Variants in CIB4 observed in about 807,000 individuals in gnomAD.
CIB4 encodes the protein calcium and integrin-binding family member 4.
In CIB4, 25 loss-of-function variants were observed where a neutral mutation model predicts 25.8. The observed-to-expected ratio is 0.97, with a 90% CI of 0.71 to 1.35. The LOEUF is 1.35. Among genes scored for constraint, CIB4 ranks in the 40% most tolerant of loss-of-function variants. The pLI, the probability that CIB4 is intolerant of heterozygous loss-of-function variation, is 0.00. For missense variants in CIB4, 235 were observed against 228.2 expected, an observed-to-expected ratio of 1.03 and a Z score of -0.19; for synonymous variants, 75 against 81.4, an observed-to-expected ratio of 0.92 and a Z score of 0.42.
chr2:26,598,632 G>A (rs1286561458), intron 3 of CIB4, among the ~76,000 whole-genome samples: 2 of 152,218 alleles, frequency 1.3e-5, no homozygotes, highest in African/African-American at 4.8e-5. Context: ...GGACCCAGGA[G>A]TGGCTAGTAT....
At chr2:26,632,771 AAG>A (rs1480870663) in intron 2 of CIB4, among the ~76,000 whole-genome samples, 1,881 of 150,916 alleles carry the variant, frequency 0.012, 47 homozygotes, top group African/African-American at 0.043. Context: ...AAAAAAAAAA[AAG>A]AAAAAGAAAG....
chr2:26,583,964 A>G lies in CIB4; in HGVS notation c.329-66T>C, dbSNP rs948093799. The G allele has an allele frequency of 3.9e-6, 4 of 1,037,256 alleles. No homozygotes were observed. In the East Asian group the frequency reaches 7.2e-5, roughly 19 times the overall value. The allele number at this position is 1,037,256 out of a possible 1,614,324, so 64.3% of individuals were successfully genotyped here. Reference sequence around the variant, plus strand: ...GGCTAAACAGGAAGAGGACTTGAGGAGTCCTGGGGGACACAGCACCAGCCA... The same window carrying G: ...GGCTAAACAGGAAGAGGACTTGAGGGGTCCTGGGGGACACAGCACCAGCCA... On this transcript the variant is annotated intron_variant, in intron 4 of 6. Coordinates refer to ENST00000288861, the MANE Select transcript of CIB4 (RefSeq NM_001029881.3).
At chr2:26,611,337 C>T (rs552100446) in intron 3 of CIB4, among the ~76,000 whole-genome samples, 1 of 152,326 alleles carries the variant, frequency 6.6e-6, no homozygotes, top group South Asian at 2.1e-4. Flanking sequence ...TGTATGATAA[C>T]ACAGGGTAGA....
intron 3 of CIB4, among the ~76,000 whole-genome samples, chr2:26,601,437 A>G (rs1668787536): frequency 6.6e-6 from 1 of 151,978 alleles, no homozygotes; most frequent in Non-Finnish European, 1.5e-5. Context: ...AGTCTTTTCC[A>G]TAAGTGATGT....
intron 4 of CIB4, among the ~76,000 whole-genome samples, chr2:26,588,816 G>A (rs1335103568): frequency 6.6e-6 from 1 of 152,276 alleles, no homozygotes; most frequent in Middle Eastern, 3.4e-3. Context: ...TTGCTGGGAT[G>A]GTGGTCTCTC....
At position 26,640,674 on chromosome 2, in the gene CIB4, C is replaced by T. The variant is rs950632516; in HGVS notation, c.55-107G>A. The stretch of plus-strand genomic sequence containing the variant: ...TGGGGAGGAAATGCCCATTCTTTTG[C>T]TGCACAGCTGGGGGAACCCCAGGTT... On this transcript the variant is annotated intron_variant, in intron 1 of 6. Coordinates refer to ENST00000288861, the MANE Select transcript of CIB4 (RefSeq NM_001029881.3). The T allele has an allele frequency of 8.1e-6, 10 of 1,228,676 alleles. No homozygotes were observed. The African/African-American group carries it at 1.4e-4, about 17-fold the overall frequency. The allele number at this position is 1,228,676 out of a possible 1,614,324, so 76.1% of individuals were successfully genotyped here. A position where few individuals can be genotyped will look rare whatever the true frequency, so the allele number is the denominator to read the frequency against.
chr2:26,591,470 G>T (rs918364789), intron 4 of CIB4, among the ~76,000 whole-genome samples: 3 of 152,178 alleles, frequency 2.0e-5, no homozygotes, highest in African/African-American at 7.2e-5. Flanking sequence ...GACTGCAGCT[G>T]CCTGGCTTCC....
intron 3 of CIB4, among the ~76,000 whole-genome samples, chr2:26,617,844 C>G (rs1169315024): frequency 2.0e-5 from 3 of 152,188 alleles, no homozygotes; most frequent in Admixed American, 6.5e-5. Context: ...GGAGGTCAGG[C>G]AGCTCCTCAT....
At chr2:26,609,529 G>A (rs1398935358) in intron 3 of CIB4, among the ~76,000 whole-genome samples, 1 of 152,128 alleles carries the variant, frequency 6.6e-6, no homozygotes, top group Admixed American at 6.5e-5. Context: ...AGGAGACGGA[G>A]GCAGAGGGAA....
chr2:26,592,469 G>A (rs1250810571), intron 4 of CIB4, among the ~76,000 whole-genome samples: 1 of 152,182 alleles, frequency 6.6e-6, no homozygotes, highest in African/African-American at 2.4e-5. Context: ...TACCCTGCTT[G>A]GAGTTCACTG....
At chr2:26,622,893 G>C (rs919218711) in intron 3 of CIB4, among the ~76,000 whole-genome samples, 1 of 152,144 alleles carries the variant, frequency 6.6e-6, no homozygotes, top group Non-Finnish European at 1.5e-5. Context: ...TGGGGCAGAA[G>C]AATTGCTTGA....
At chr2:26,630,660 C>T (rs1247118412) in intron 2 of CIB4, among the ~76,000 whole-genome samples, 3 of 152,110 alleles carry the variant, frequency 2.0e-5, no homozygotes, top group African/African-American at 7.2e-5. Context: ...TCTGAGGCGT[C>T]GAGCAAGGTT....
rs531575526 is a variant in CIB4 at position 26,615,874 on chromosome 2, G to T, written c.186+13536C>A. 2.6e-5 allele frequency among the ~76,000 whole-genome samples: 4 copies of T among 152,364 alleles called. No homozygotes were observed. In the East Asian group the frequency reaches 7.7e-4, roughly 29 times the overall value. On this transcript the variant is annotated intron_variant, in intron 3 of 6. Transcript: ENST00000288861. ...AAATAAGGATTTTTGCCAATTCTGA[G>T]CCCTGCTAACTGATGAAGTTGTCAG...
rs556456040 is a variant in CIB4, at chr2:26,613,898, T to A, written c.186+15512A>T. ...GGTGAATGTGTCCCCGCATCTCAGC[T>A]GTCCCAGCTGTGAAGAGCAGAGGCC... On this transcript the variant is annotated intron_variant, in intron 3 of 6. Coordinates refer to ENST00000288861, the MANE Select transcript of CIB4 (RefSeq NM_001029881.3). Among the ~76,000 whole-genome samples the A allele has an allele frequency of 4.6e-4, 70 of 152,354 alleles. No homozygotes were observed. In the South Asian group the frequency reaches 0.014, roughly 31 times the overall value.
chr2:26,589,216 T>C (rs1452603320), intron 4 of CIB4, among the ~76,000 whole-genome samples: 2 of 145,462 alleles, frequency 1.4e-5, no homozygotes, highest in African/African-American at 5.1e-5. Flanking sequence ...CCTCTTCTTC[T>C]TCCTCCTCCT....
At chr2:26,598,410 T>C (rs1027582821) in intron 3 of CIB4, among the ~76,000 whole-genome samples, 1 of 151,812 alleles carries the variant, frequency 6.6e-6, no homozygotes, top group Non-Finnish European at 1.5e-5. Context: ...TCTGTGACTA[T>C]GAAAGTGAGA....
chr2:26,617,624 T>C (rs6727852), intron 3 of CIB4, among the ~76,000 whole-genome samples: 33,692 of 152,068 alleles, frequency 0.22, 4,117 homozygotes, highest in East Asian at 0.5. Flanking sequence ...CTGCTTTTCA[T>C]TAACAAGCCA....
chr2:26,640,713 G>A (rs1669619506), intron 1 of CIB4, 146 bp from the exon 2 acceptor site: 2 of 792,116 alleles, frequency 2.5e-6, no homozygotes, highest in Non-Finnish European at 4.1e-6. Context: ...GTGGATGCCT[G>A]AGGTGGCAGC....
intron 3 of CIB4, among the ~76,000 whole-genome samples, chr2:26,620,252 C>T (rs1230857726): frequency 6.6e-6 from 1 of 152,262 alleles, no homozygotes; most frequent in Non-Finnish European, 1.5e-5. Context: ...CCCTGATCTC[C>T]ATCCCGGAAT....
Sources: gnomAD v4.1 joint callset for allele counts (sites outside exome capture counted in the v4.1 genomes callset) on GRCh38, gnomAD v4.1.1 for gene constraint, MANE v1.5 for transcripts, NCBI Gene and HGNC (gene_info 2026-07-23, HGNC 2026-07-21) for gene names.